Variants in CYP3A43 observed in about 807,000 individuals in gnomAD.
The protein encoded by CYP3A43 is cytochrome P450 family 3 subfamily A member 43, also known as cytochrome P450 3A43.
Under a neutral mutation model 58.0 loss-of-function variants are expected in CYP3A43, and 45 were observed. That is an observed-to-expected ratio of 0.78 (90% CI 0.61 to 0.99). The LOEUF (loss-of-function observed/expected upper bound fraction) is 0.99. Among genes scored for constraint, CYP3A43 ranks in the 50% least tolerant of loss-of-function variants. The probability of loss-of-function intolerance (pLI) is 0.00; values close to 1 mark genes in which losing one functional copy is unlikely to be tolerated. For synonymous variants in CYP3A43, 191 were observed against 201.4 expected, an observed-to-expected ratio of 0.95 and a Z score of 0.44; for missense variants, 593 against 591.9, an observed-to-expected ratio of 1.00 and a Z score of -0.02.
chr7:99,837,196 G>C (rs367725296), intron 2 of CYP3A43, among the ~76,000 whole-genome samples: 210 of 150,040 alleles, frequency 1.4e-3, no homozygotes, highest in African/African-American at 3.9e-3. Flanking sequence ...GCGGGCGCCT[G>C]TAGTCCCAGC....
At chr7:99,835,928 C>T (rs1417632786) in intron 1 of CYP3A43, among the ~76,000 whole-genome samples, 1 of 152,318 alleles carries the variant, frequency 6.6e-6, no homozygotes, top group South Asian at 2.1e-4. Flanking sequence ...AGAATTATAA[C>T]TAGGCTTGTA....
chr7:99,853,572 T>C (rs1342046331), intron 7 of CYP3A43, among the ~76,000 whole-genome samples: 1 of 152,222 alleles, frequency 6.6e-6, no homozygotes, highest in Admixed American at 6.5e-5. Flanking sequence ...AGCTTTTTTT[T>C]TGAGATGGAC....
At chr7:99,861,426 A>C (rs1239845608) in intron 10 of CYP3A43, among the ~76,000 whole-genome samples, 187 bp from the exon 11 acceptor site, 2 of 152,200 alleles carry the variant, frequency 1.3e-5, no homozygotes, top group Non-Finnish European at 2.9e-5. Flanking sequence ...ACTCCTCCAC[A>C]CATCTCAATG....
At chr7:99,845,248 C>T (rs1251503068) in intron 4 of CYP3A43, among the ~76,000 whole-genome samples, 3 of 151,996 alleles carry the variant, frequency 2.0e-5, no homozygotes, top group African/African-American at 7.3e-5. Context: ...TACTTTCCCT[C>T]TATGGGGTTA....
intron 7 of CYP3A43, among the ~76,000 whole-genome samples, chr7:99,850,564 C>T (rs1430603287): frequency 6.6e-6 from 1 of 152,006 alleles, no homozygotes; most frequent in Non-Finnish European, 1.5e-5. Context: ...TTTTATGTTG[C>T]CCAGGCTGGT....
chr7:99,829,975 G>A (rs1816778290), intron 1 of CYP3A43, among the ~76,000 whole-genome samples: 1 of 152,196 alleles, frequency 6.6e-6, no homozygotes, highest in Non-Finnish European at 1.5e-5. Context: ...ACAGGGGAAA[G>A]TTGGGGCTCC....
chr7:99,861,946 T>G, intron 11 of CYP3A43, 107 bp downstream of exon 11: 1 of 1,010,426 alleles, frequency 9.9e-7, no homozygotes, highest in Non-Finnish European at 1.4e-6. Flanking sequence ...CTTTTCATTT[T>G]GGAAGTTTTT....
At position 99,860,001 on chromosome 7, in the gene CYP3A43, G is replaced by A; in HGVS notation, c.1026+11G>A. On this transcript the variant is annotated intron_variant, in intron 10 of 12. Coordinates refer to ENST00000354829, the MANE Select transcript of CYP3A43 (RefSeq NM_057095.3). ...GTTTTACCCAATAAGGTAAGGGGAT[G>A]ATCCCCTGGAGAAGGAGGGAGAAGG... 4 of 1,572,422 alleles carry A rather than the reference G, an allele frequency of 2.5e-6. No homozygotes were observed. The highest frequency in any genetic ancestry group is 3.4e-6 in the Non-Finnish European group (4 of 1,160,744).
chr7:99,835,391 A>C (rs191698370), intron 1 of CYP3A43, among the ~76,000 whole-genome samples: 76 of 152,318 alleles, frequency 5.0e-4, no homozygotes, highest in Admixed American at 2.0e-3. Context: ...CTCTCGTGTC[A>C]AACCATTGCA....
At chr7:99,840,654 T>C (rs1056483664) in intron 3 of CYP3A43, among the ~76,000 whole-genome samples, 6 of 152,176 alleles carry the variant, frequency 3.9e-5, no homozygotes, top group Non-Finnish European at 8.8e-5. Flanking sequence ...TTCCTGCTGG[T>C]TCTTTCCTCT....
In CYP3A43 at chr7:99,859,841, C is replaced by T. The variant is rs146927073; in HGVS notation, c.877C>T (p.Leu293=). 1 of 1,614,036 alleles carries T rather than the reference C, an allele frequency of 6.2e-7. No individual in the cohort carries two copies. Among genetic ancestry groups the T allele is most frequent in the Non-Finnish European group, 8.5e-7 (1 of 1,180,028 alleles). The change falls in exon 10 of 13, where the codon CTG becomes TTG. Residue 293 remains leucine (L), a synonymous_variant. Coordinates refer to ENST00000354829, the MANE Select transcript of CYP3A43 (RefSeq NM_057095.3). ...TCCTCTCCTTTCAGCTCTGTCTGATCTGGAGCTTGTGGCCCAGTCAATTAT... is the reference window on the plus strand; with the variant it reads ...TCCTCTCCTTTCAGCTCTGTCTGATTTGGAGCTTGTGGCCCAGTCAATTAT... ...ETKSHKALSD[L]ELVAQSIIII... is the part of the protein sequence containing the mutation.
chr7:99,828,235 G>A, intron 1 of CYP3A43, 49 bp downstream of exon 1: 1 of 1,382,442 alleles, frequency 7.2e-7, no homozygotes, highest in Non-Finnish European at 9.8e-7. Flanking sequence ...GACCTGAAGT[G>A]CTAATTGGGC....
Position 99,849,703 on chromosome 7 carries a change from A to G in CYP3A43, c.670+9A>G. ...CTTTTTACTCTTAATATGTATGTGGACTTTTATGTTATTTCTCTCTCTCTC... is the reference window on the plus strand; with the variant it reads ...CTTTTTACTCTTAATATGTATGTGGGCTTTTATGTTATTTCTCTCTCTCTC... On this transcript the variant is annotated intron_variant, in intron 7 of 12. Transcript: ENST00000354829. The G allele has an allele frequency of 6.4e-7, 1 of 1,562,434 alleles. No individual in the cohort carries two copies. Among genetic ancestry groups the G allele is most frequent in the Non-Finnish European group, 8.6e-7 (1 of 1,162,962 alleles).
chr7:99,858,913 G>A (rs1818108155), intron 9 of CYP3A43, among the ~76,000 whole-genome samples: 1 of 151,912 alleles, frequency 6.6e-6, no homozygotes, highest in South Asian at 2.1e-4. Flanking sequence ...GGCCAGGCTG[G>A]TCTCAAAATC....
At chr7:99,842,598 C>T (rs1817377828) in intron 3 of CYP3A43, among the ~76,000 whole-genome samples, 1 of 151,926 alleles carries the variant, frequency 6.6e-6, no homozygotes, top group Non-Finnish European at 1.5e-5. Flanking sequence ...TACTGTGGTC[C>T]TTTATGAAAA....
chr7:99,856,360 C>T (rs1215660071), intron 8 of CYP3A43, among the ~76,000 whole-genome samples: 1 of 152,128 alleles, frequency 6.6e-6, no homozygotes, highest in Non-Finnish European at 1.5e-5. Flanking sequence ...TGACACTGAA[C>T]GTTGTATAGA....
At chr7:99,837,149 CAAAA>C (rs59738486) in intron 2 of CYP3A43, among the ~76,000 whole-genome samples, 28 of 80,612 alleles carry the variant, frequency 3.5e-4, no homozygotes, top group African/African-American at 7.8e-4. Flanking sequence ...ACTAAAAATA[CAAAA>C]AAAAAAAAAA....
At chr7:99,849,803 A>T in intron 7 of CYP3A43, 109 bp downstream of exon 7, 1 of 1,118,628 alleles carries the variant, frequency 8.9e-7, no homozygotes, top group East Asian at 2.6e-5. Flanking sequence ...CCTACTTAAA[A>T]TGTATAATTC....
intron 6 of CYP3A43, among the ~76,000 whole-genome samples, chr7:99,849,216 G>A (rs1817650984): frequency 6.6e-6 from 1 of 152,232 alleles, no homozygotes; most frequent in Non-Finnish European, 1.5e-5. Context: ...CAGAAGCACA[G>A]TGTTGACACA....
Sources: allele counts gnomAD v4.1 joint callset (sites outside exome capture counted in the v4.1 genomes callset), GRCh38; gene constraint gnomAD v4.1.1; transcripts MANE v1.5; gene names NCBI Gene and HGNC (gene_info 2026-07-23, HGNC 2026-07-21).